Variants in KCNQ1 observed in about 807,000 individuals in gnomAD.
KCNQ1 encodes the protein potassium voltage-gated channel subfamily Q member 1, also known as potassium voltage-gated channel subfamily KQT member 1.
Under a neutral mutation model 72.4 loss-of-function variants are expected in KCNQ1, and 49 were observed. That is an observed-to-expected ratio of 0.68 (90% CI 0.54 to 0.86). The LOEUF is 0.86. Among genes scored for constraint, KCNQ1 ranks in the 40% least tolerant of loss-of-function variants. The pLI is 0.00. For synonymous variants in KCNQ1, 450 were observed against 412.6 expected (o/e 1.09, Z -1.10); for missense variants, 790 against 945.1 (o/e 0.84, Z 2.15).
intron 1 of KCNQ1, among the ~76,000 whole-genome samples, chr11:2,525,921 T>C (rs2133644953): frequency 6.6e-6 from 1 of 152,274 alleles, no homozygotes. Flanking sequence ...GTGCTCATGG[T>C]CTAGGGGGTG....
At chr11:2,607,800 A>G (rs1848905695) in intron 10 of KCNQ1, among the ~76,000 whole-genome samples, 1 of 152,224 alleles carries the variant, frequency 6.6e-6, no homozygotes, top group African/African-American at 2.4e-5. Context: ...CATTCCTGAA[A>G]TAAGTCCCAT....
intron 11 of KCNQ1, chr11:2,699,559 AG>A (rs1305804467): frequency 3.4e-6 from 1 of 295,340 alleles, no homozygotes; most frequent in Non-Finnish European, 5.7e-6. Context: ...CGCGCGGAGG[AG>A]AACCATGCTG....
At chr11:2,775,290 T>C (rs1041992417) in intron 12 of KCNQ1, among the ~76,000 whole-genome samples, 14 of 152,234 alleles carry the variant, frequency 9.2e-5, no homozygotes, top group African/African-American at 3.4e-4. Context: ...GTCCCACTTA[T>C]AGGCTTAGAG....
chr11:2,532,665 A>C (rs1169600983), intron 2 of KCNQ1, among the ~76,000 whole-genome samples: 1 of 152,142 alleles, frequency 6.6e-6, no homozygotes, highest in Non-Finnish European at 1.5e-5. Flanking sequence ...CACAGTGAGA[A>C]GGAGGTAAGC....
At position 2,797,806 on chromosome 11, in the gene KCNQ1, G is replaced by A. The variant is rs138401094; in HGVS notation, c.1794+19769G>A. ...GCCTCACCCTGACCACATGGCCTTC[G>A]GCACCCAGCTTGAGTGTCCCATCCT... On this transcript the variant is annotated intron_variant, in intron 15 of 15. Transcript: ENST00000155840. Among the ~76,000 whole-genome samples, 7 of 152,036 alleles carry A rather than the reference G, an allele frequency of 4.6e-5. No individual in the cohort carries two copies. The East Asian group carries it at 5.8e-4, about 13-fold the overall frequency.
intron 15 of KCNQ1, among the ~76,000 whole-genome samples, chr11:2,806,326 T>C (rs1376138057): frequency 2.0e-5 from 3 of 151,068 alleles, no homozygotes; most frequent in Non-Finnish European, 4.4e-5. Context: ...GGGAGGGAGG[T>C]ACGCAGGGAG....
chr11:2,786,963 T>TC (rs920499558), intron 15 of KCNQ1, among the ~76,000 whole-genome samples: 2 of 151,498 alleles, frequency 1.3e-5, no homozygotes, highest in African/African-American at 4.8e-5. Context: ...TTTTTTTTTT[T>TC]TTCATTGTAA....
intron 15 of KCNQ1, among the ~76,000 whole-genome samples, chr11:2,798,513 A>G (rs1590096116): frequency 1.3e-5 from 2 of 151,962 alleles, no homozygotes; most frequent in Admixed American, 1.3e-4. Flanking sequence ...TTTTAAACTA[A>G]TTCATTGGTG....
At position 2,450,521 on chromosome 11, in the gene KCNQ1, T is replaced by A. The variant is rs1846106705; in HGVS notation, c.386+5037T>A. On this transcript the variant is annotated intron_variant, in intron 1 of 15. Transcript: ENST00000155840. The surrounding 1 kb of genome is among the most constrained non-coding windows in gnomAD (Gnocchi z 7.9). The stretch of plus-strand genomic sequence containing the variant: ...TCTGGCTTCACTCTCGGGAGGTGCC[T>A]TGGGGCTGGCCAGTATGGGATTGCT... Among the ~76,000 whole-genome samples, 1 of 152,082 alleles carries A rather than the reference T, an allele frequency of 6.6e-6. No homozygotes were observed. The highest frequency in any genetic ancestry group is 1.5e-5 in the Non-Finnish European group (1 of 68,002).
At chr11:2,681,288 C>G (rs967563156) in intron 11 of KCNQ1, 33 of 398,386 alleles carry the variant, frequency 8.3e-5, no homozygotes, top group Middle Eastern at 6.2e-4. Flanking sequence ...CTATACCTTC[C>G]TGTCCTACCA....
intron 15 of KCNQ1, among the ~76,000 whole-genome samples, chr11:2,837,114 C>T (rs1848082160): frequency 6.6e-6 from 1 of 152,112 alleles, no homozygotes; most frequent in South Asian, 2.1e-4. Flanking sequence ...GGAAGAGGCT[C>T]ACATGGTGTG....
intron 1 of KCNQ1, among the ~76,000 whole-genome samples, chr11:2,476,299 A>C (rs1846567813): frequency 6.6e-6 from 1 of 152,238 alleles, no homozygotes; most frequent in South Asian, 2.1e-4. Context: ...GTTATTAATT[A>C]CAAGTTTAAT....
intron 11 of KCNQ1, among the ~76,000 whole-genome samples, chr11:2,701,241 G>GAAGAGA (rs1400718900): frequency 1.3e-5 from 2 of 152,172 alleles, no homozygotes; most frequent in African/African-American, 2.4e-5. Flanking sequence ...CTTCAGCCCA[G>GAAGAGA]AAGAGAAAGA....
At position 2,459,000 on chromosome 11, in the gene KCNQ1, C is replaced by T. The variant is rs1265911738; in HGVS notation, c.386+13516C>T. ...CCATTTTTGCCCATGCCGCACCTGC[C>T]ATGGTGCATTTCTGATTCCCGTGCC... On this transcript the variant is annotated intron_variant, in intron 1 of 15. Transcript: ENST00000155840. The surrounding 1 kb of genome is among the most constrained non-coding windows in gnomAD (Gnocchi z 4.6). 6.6e-6 allele frequency among the ~76,000 whole-genome samples: 1 copy of T among 152,206 alleles called. No homozygotes were observed. The highest frequency in any genetic ancestry group is 1.5e-5 in the Non-Finnish European group (1 of 68,040).
At chr11:2,519,780 CCCA>C (rs200914124) in intron 1 of KCNQ1, among the ~76,000 whole-genome samples, 3,431 of 102,134 alleles carry the variant, frequency 0.034, 112 homozygotes, top group African/African-American at 0.097. Flanking sequence ...TTGGCCCCCC[CCCA>C]CAACATTGGT....
At chr11:2,837,956 C>T (rs753678082) in intron 15 of KCNQ1, among the ~76,000 whole-genome samples, 15 of 152,280 alleles carry the variant, frequency 9.9e-5, no homozygotes, top group South Asian at 2.1e-4. Flanking sequence ...CAGCAGGTGC[C>T]GGTGCTTTCT....
intron 1 of KCNQ1, among the ~76,000 whole-genome samples, chr11:2,449,445 C>T (rs1273100930): frequency 1.3e-5 from 2 of 152,188 alleles, no homozygotes; most frequent in East Asian, 1.9e-4. Flanking sequence ...GATGAACTTC[C>T]GCTGGGCCTG....
chr11:2,652,161 C>T lies in KCNQ1; in HGVS notation c.1394-9800C>T, dbSNP rs1231329160. The T allele has an allele frequency of 7.5e-6, 3 of 398,528 alleles. No individual in the cohort carries two copies. Among genetic ancestry groups the T allele is most frequent in the African/African-American group, 6.2e-5 (3 of 48,626 alleles). The allele number at this position is 398,528 out of a possible 1,614,324, so 24.7% of individuals were successfully genotyped here. On this transcript the variant is annotated intron_variant, in intron 10 of 15. Transcript: ENST00000155840. The surrounding 1 kb of genome is among the most constrained non-coding windows in gnomAD (Gnocchi z 5.9). ...GTTTCTCAAGCCCGCGCCCTCGGGG[C>T]CTGGGGGTGGGGCCCCAGCAGATGT...
At position 2,621,762 on chromosome 11, in the gene KCNQ1, T is replaced by C; in HGVS notation, c.1393+32908T>C. Reference sequence around the variant, plus strand: ...ATTTTCATTTCTGATTTTGTCCTCTTTCTTAGTCCAAGAGTTTGTTGATTT... The same window carrying C: ...ATTTTCATTTCTGATTTTGTCCTCTCTCTTAGTCCAAGAGTTTGTTGATTT... On this transcript the variant is annotated intron_variant, in intron 10 of 15. Coordinates refer to ENST00000155840, the MANE Select transcript of KCNQ1 (RefSeq NM_000218.3). This position sits in a 1 kb window ranked among gnomAD's most constrained non-coding sequence, Gnocchi z 5.7. 1 of 398,394 alleles carries C rather than the reference T, an allele frequency of 2.5e-6. No individual in the cohort carries two copies. Among genetic ancestry groups the C allele is most frequent in the Non-Finnish European group, 4.4e-6 (1 of 225,960 alleles). The allele number at this position is 398,394 out of a possible 1,614,324, so 24.7% of individuals were successfully genotyped here. A position where few individuals can be genotyped will look rare whatever the true frequency, so the allele number is the denominator to read the frequency against.
Sources: gnomAD v4.1 joint callset for allele counts (sites outside exome capture counted in the v4.1 genomes callset) on GRCh38, gnomAD v4.1.1 for gene constraint, Gnocchi (gnomAD v3.1) non-coding constraint, MANE v1.5 for transcripts, NCBI Gene and HGNC (gene_info 2026-07-23, HGNC 2026-07-21) for gene names.